Variants in ATP9A observed in about 807,000 individuals in gnomAD.
ATP9A encodes the protein ATPase phospholipid transporting 9A.
A neutral mutation model predicts 144.1 loss-of-function variants in ATP9A; 52 were observed. That is an observed-to-expected ratio of 0.36 (90% CI 0.29 to 0.45). ATP9A has a LOEUF of 0.45. Among genes scored for constraint, ATP9A ranks in the 20% least tolerant of loss-of-function variants. The pLI is 1.00. For synonymous variants in ATP9A, 582 were observed against 557.4 expected, an observed-to-expected ratio of 1.04 and a Z score of -0.62; for missense variants, 947 against 1,392.7, an observed-to-expected ratio of 0.68 and a Z score of 5.09.
At chr20:51,632,147 A>G (rs2077272475) in intron 15 of ATP9A, among the ~76,000 whole-genome samples, 1 of 151,964 alleles carries the variant, frequency 6.6e-6, no homozygotes. Flanking sequence ...ACGACTCACT[A>G]CAGCCTCGAC....
At chr20:51,751,723 G>T (rs757215239) in intron 1 of ATP9A, among the ~76,000 whole-genome samples, 1 of 152,120 alleles carries the variant, frequency 6.6e-6, no homozygotes, top group South Asian at 2.1e-4. Flanking sequence ...GAGTAGCTGG[G>T]ACTGCAGGCG....
At chr20:51,748,486 C>T (rs561244936) in intron 1 of ATP9A, among the ~76,000 whole-genome samples, 10 of 152,258 alleles carry the variant, frequency 6.6e-5, no homozygotes, top group Non-Finnish European at 1.5e-4. Context: ...AGCAAATATT[C>T]AGTTATAAAA....
At chr20:51,613,641 C>T (rs1046004953) in intron 23 of ATP9A, 36 bp downstream of exon 23, 1 of 1,590,326 alleles carries the variant, frequency 6.3e-7, no homozygotes, top group Non-Finnish European at 8.6e-7. Context: ...GGTATAGCCA[C>T]AGGCACATGT....
chr20:51,701,281 G>A lies in ATP9A; in HGVS notation c.437-3799C>T, dbSNP rs1422673734. 2.6e-5 allele frequency among the ~76,000 whole-genome samples: 4 copies of A among 152,158 alleles called. No individual in the cohort carries two copies. The East Asian group carries it at 7.7e-4, about 29-fold the overall frequency. ...ATGTGTGTACATTAGCAGGACAGAG[G>A]ACAAAATCAGGGAGATTTCACTAAA... On this transcript the variant is annotated intron_variant, in intron 4 of 27. Coordinates refer to ENST00000338821, the MANE Select transcript of ATP9A (RefSeq NM_006045.3).
chr20:51,661,360 A>T (rs1214791014), intron 13 of ATP9A, among the ~76,000 whole-genome samples: 1 of 136,764 alleles, frequency 7.3e-6, no homozygotes, highest in African/African-American at 2.6e-5. Context: ...CAATTGACTG[A>T]AATACACTTT....
At chr20:51,676,249 T>C (rs1340052492) in intron 9 of ATP9A, 41 bp from the exon 10 acceptor site, 2 of 1,469,776 alleles carry the variant, frequency 1.4e-6, no homozygotes, top group Non-Finnish European at 1.9e-6. Context: ...AAAAGAAATA[T>C]TAATACAGAC....
At chr20:51,741,836 A>G (rs1232300489) in intron 1 of ATP9A, among the ~76,000 whole-genome samples, 4 of 152,194 alleles carry the variant, frequency 2.6e-5, no homozygotes, top group African/African-American at 9.7e-5. Context: ...CACAACTCCA[A>G]GATGCTACTC....
intron 6 of ATP9A, among the ~76,000 whole-genome samples, chr20:51,694,822 T>C (rs2122824812): frequency 6.6e-6 from 1 of 152,306 alleles, no homozygotes; most frequent in Non-Finnish European, 1.5e-5. Flanking sequence ...AGTTCAGTCT[T>C]TGAGAACTAT....
At chr20:51,629,119 C>T (rs2077261099) in intron 15 of ATP9A, 47 bp from the exon 16 acceptor site, 1 of 1,494,956 alleles carries the variant, frequency 6.7e-7, no homozygotes, top group Admixed American at 1.7e-5. Flanking sequence ...GGAACACCCT[C>T]TTTCAGCGGC....
chr20:51,618,933 C>G, intron 20 of ATP9A, 21 bp downstream of exon 20: 1 of 1,613,354 alleles, frequency 6.2e-7, no homozygotes. Flanking sequence ...AGGACTGGCT[C>G]TCAGGGGTCC....
intron 23 of ATP9A, 44 bp downstream of exon 23, chr20:51,613,633 T>TA (rs748394328): frequency 7.6e-6 from 12 of 1,576,612 alleles, no homozygotes; most frequent in Non-Finnish European, 1.0e-5. Context: ...ACCTACATGG[T>TA]ATAGCCACAG....
intron 8 of ATP9A, among the ~76,000 whole-genome samples, chr20:51,690,109 C>CAAA (rs796336088): frequency 0.011 from 681 of 59,906 alleles, 98 homozygotes; most frequent in East Asian, 0.021. Context: ...GAGACCGTCT[C>CAAA]AAAAAAAAAA....
In ATP9A at chr20:51,752,436, T is replaced by A. The variant is rs116888359; in HGVS notation, c.68+15866A>T. 8.6e-3 allele frequency among the ~76,000 whole-genome samples: 1,310 copies of A among 152,316 alleles called. 8 individuals are homozygous for A. Among genetic ancestry groups the A allele is most frequent in the Middle Eastern group, 0.02 (6 of 294 alleles). On this transcript the variant is annotated intron_variant, in intron 1 of 27. Coordinates refer to ENST00000338821, the MANE Select transcript of ATP9A (RefSeq NM_006045.3). ...TCTCTCGCACGTGTTGACCACTATATCCCTAATATTAAAACTGCCAGAGAC... is the reference window on the plus strand; with the variant it reads ...TCTCTCGCACGTGTTGACCACTATAACCCTAATATTAAAACTGCCAGAGAC...
chr20:51,705,712 C>A (rs1000471722), intron 4 of ATP9A, among the ~76,000 whole-genome samples: 4 of 152,214 alleles, frequency 2.6e-5, no homozygotes, highest in Non-Finnish European at 5.9e-5. Flanking sequence ...ATTTTCCTCA[C>A]CACCTGTGAT....
At chr20:51,688,907 T>C (rs936295690) in intron 9 of ATP9A, among the ~76,000 whole-genome samples, 157 bp downstream of exon 9, 1 of 152,184 alleles carries the variant, frequency 6.6e-6, no homozygotes, top group African/African-American at 2.4e-5. Flanking sequence ...CGAGCTGCAA[T>C]TAGATGTCAG....
intron 4 of ATP9A, among the ~76,000 whole-genome samples, chr20:51,712,142 T>G (rs979063143): frequency 6.8e-6 from 1 of 148,072 alleles, no homozygotes; most frequent in Non-Finnish European, 1.5e-5. Flanking sequence ...GCGCGGTCTA[T>G]GCTCACTGCA....
At chr20:51,747,915 T>C (rs1365472141) in intron 1 of ATP9A, among the ~76,000 whole-genome samples, 1 of 152,192 alleles carries the variant, frequency 6.6e-6, no homozygotes, top group Non-Finnish European at 1.5e-5. Context: ...TGCTCTCATC[T>C]TTCCCCACCA....
intron 27 of ATP9A, among the ~76,000 whole-genome samples, chr20:51,604,566 CAAAAAG>C (rs1298402341): frequency 6.6e-6 from 1 of 152,136 alleles, no homozygotes; most frequent in Non-Finnish European, 1.5e-5. Context: ...GACTCCGACT[CAAAAAG>C]AAAAACAAAA....
chr20:51,614,770 TGA>T (rs963771144), intron 22 of ATP9A, among the ~76,000 whole-genome samples: 1 of 152,184 alleles, frequency 6.6e-6, no homozygotes, highest in African/African-American at 2.4e-5. Flanking sequence ...CTGTGTGCCG[TGA>T]GACACTACAA....
Sources: allele counts gnomAD v4.1 joint callset (sites outside exome capture counted in the v4.1 genomes callset), GRCh38; gene constraint gnomAD v4.1.1; transcripts MANE v1.5; gene names NCBI Gene and HGNC (gene_info 2026-07-23, HGNC 2026-07-21).